GAPVD1: variants seen among roughly 807,000 people sequenced by gnomAD.
GAPVD1 encodes GTPase activating protein and VPS9 domains 1.
In GAPVD1, 35 loss-of-function variants were observed where a neutral mutation model predicts 155.5. That is an observed-to-expected ratio of 0.23 (90% CI 0.17 to 0.30). The LOEUF is 0.30. GAPVD1 is among the 10% of genes least tolerant of loss of function. GAPVD1 has a pLI of 1.00. For synonymous variants in GAPVD1, 636 were observed against 619.7 expected, an observed-to-expected ratio of 1.03 and a Z score of -0.39; for missense variants, 1,429 against 1,775.7, an observed-to-expected ratio of 0.80 and a Z score of 3.51.
chr9:125,306,866 A>G (rs959336796), intron 6 of GAPVD1, among the ~76,000 whole-genome samples: 1 of 152,162 alleles, frequency 6.6e-6, no homozygotes, highest in East Asian at 1.9e-4. Flanking sequence ...CATGCTGGTA[A>G]TCCTAGTGCT....
chr9:125,362,767 G>A lies in GAPVD1; in HGVS notation c.*21G>A. ...AGTGACCAAGACCAAGGCCCACCAA[G>A]GCAGCAGACTGTTAATCAGACAAAC... On this transcript the variant is annotated 3_prime_UTR_variant, in exon 28 of 28. Coordinates refer to ENST00000297933, the MANE Select transcript of GAPVD1 (RefSeq NM_001282680.3). The A allele has an allele frequency of 6.2e-7, 1 of 1,609,108 alleles. No individual in the cohort carries two copies. Among genetic ancestry groups the A allele is most frequent in the Non-Finnish European group, 8.5e-7 (1 of 1,177,448 alleles).
At chr9:125,347,731 A>C (rs1848696408) in intron 20 of GAPVD1, among the ~76,000 whole-genome samples, 2 of 152,084 alleles carry the variant, frequency 1.3e-5, no homozygotes, top group African/African-American at 4.8e-5. Context: ...AAAAAAAAAA[A>C]AACAAACATA....
At chr9:125,286,111 T>C (rs1239313192) in intron 2 of GAPVD1, among the ~76,000 whole-genome samples, 7 of 151,400 alleles carry the variant, frequency 4.6e-5, no homozygotes, top group Non-Finnish European at 1.0e-4. Context: ...CCTGGCCATA[T>C]ATATATTAAT....
chr9:125,299,218 A>G (rs1043991790), intron 4 of GAPVD1, 112 bp downstream of exon 4: 6 of 574,330 alleles, frequency 1.0e-5, no homozygotes, highest in Non-Finnish European at 1.8e-5. Flanking sequence ...TATTTAAGAT[A>G]ATTTACATCA....
At chr9:125,275,845 T>A (rs535253286) in intron 2 of GAPVD1, among the ~76,000 whole-genome samples, 59 of 152,240 alleles carry the variant, frequency 3.9e-4, no homozygotes, top group Non-Finnish European at 7.9e-4. Flanking sequence ...GGTTTTTGAA[T>A]TGGAATAGTC....
At chr9:125,275,682 GGAGGTT>G in intron 2 of GAPVD1, among the ~76,000 whole-genome samples, 1 of 152,270 alleles carries the variant, frequency 6.6e-6, no homozygotes, top group Non-Finnish European at 1.5e-5. Flanking sequence ...CTGAACCCGA[GGAGGTT>G]GAGGTTGCAG....
chr9:125,319,752 C>G (rs1844015290), intron 9 of GAPVD1, among the ~76,000 whole-genome samples: 16 of 151,994 alleles, frequency 1.1e-4, no homozygotes, highest in Admixed American at 1.0e-3. Context: ...CAGGCGTACA[C>G]CACCACACCT....
chr9:125,323,830 C>T lies in GAPVD1; in HGVS notation c.1765C>T (p.Leu589=), dbSNP rs1844751604. The part of the protein sequence containing the change: ...PSNRSNSVSS[L]DLEGESVSEL... ...AAATCGCTCCAATTCAGTGTCCTCC[C>T]TAGACCTAGAAGGAGAGTCTGTGTC... Residue 589 remains leucine (L), a synonymous_variant, in exon 11 of 28, where the codon CTA becomes TTA. Transcript: ENST00000297933. The T allele has an allele frequency of 6.2e-7, 1 of 1,613,028 alleles. No homozygotes were observed. The highest frequency in any genetic ancestry group is 8.5e-7 in the Non-Finnish European group (1 of 1,179,034).
chr9:125,302,692 G>A lies in GAPVD1; in HGVS notation c.895G>A (p.Val299Ile), dbSNP rs745967169. 2 of 1,612,662 alleles carry A rather than the reference G, an allele frequency of 1.2e-6. No homozygotes were observed. Among genetic ancestry groups the A allele is most frequent in the South Asian group, 1.1e-5 (1 of 91,010 alleles). Reference protein sequence around the residue: ...KTLSCVDRLEVGEVRAMCTDL... With the variant: ...KTLSCVDRLEIGEVRAMCTDL... ...CCTCTCCTGTGTAGATAGGCTGGAA[G>A]TTGGGGAGGTCAGGGCAATGTGTAC... The change falls in exon 5 of 28, where the codon GTT becomes ATT. Residue 299 changes from valine to isoleucine, a missense_variant. Val to Ile is a conservative substitution (Grantham distance 29). Around this residue, in one of 4 missense-constraint regions of GAPVD1, gnomAD observed 628 missense variants for 733.4 expected, o/e 0.86. Coordinates refer to ENST00000297933, the MANE Select transcript of GAPVD1 (RefSeq NM_001282680.3).
intron 4 of GAPVD1, among the ~76,000 whole-genome samples, chr9:125,301,673 C>T (rs1840899420): frequency 6.6e-6 from 1 of 152,030 alleles, no homozygotes; most frequent in Non-Finnish European, 1.5e-5. Flanking sequence ...TGGTCTCGAC[C>T]TCCTGGCCTC....
chr9:125,314,517 G>C (rs2131309850), intron 9 of GAPVD1, among the ~76,000 whole-genome samples: 1 of 152,042 alleles, frequency 6.6e-6, no homozygotes, highest in Middle Eastern at 3.4e-3. Context: ...AGCTGGGTGT[G>C]GTGGCGCATG....
At chr9:125,337,650 C>T (rs1268292571) in intron 17 of GAPVD1, 59 bp downstream of exon 17, 1 of 1,408,214 alleles carries the variant, frequency 7.1e-7, no homozygotes, top group Non-Finnish European at 9.7e-7. Context: ...CTCTTGATAT[C>T]TGAAATTAAC....
chr9:125,279,798 A>G (rs1454456376), intron 2 of GAPVD1, among the ~76,000 whole-genome samples: 1 of 147,746 alleles, frequency 6.8e-6, no homozygotes, highest in Admixed American at 6.8e-5. Context: ...TCTTGGTGCG[A>G]TGTTCAGGCT....
Position 125,299,428 on chromosome 9 carries a change from C to T in GAPVD1, c.185+322C>T, listed in dbSNP as rs112186732. On this transcript the variant is annotated intron_variant, in intron 4 of 27. Coordinates refer to ENST00000297933, the MANE Select transcript of GAPVD1 (RefSeq NM_001282680.3). ...ATCCCAGCACTTTGGGAGGCCAAGG[C>T]GGGTGGATCATGAGGGCAGGAGTTT... 7.6e-4 allele frequency among the ~76,000 whole-genome samples: 116 copies of T among 151,772 alleles called. 1 individual carries two copies. The highest frequency in any genetic ancestry group is 3.1e-3 in the South Asian group (15 of 4,792).
intron 10 of GAPVD1, among the ~76,000 whole-genome samples, chr9:125,322,285 C>G (rs557606069): frequency 2.0e-5 from 3 of 151,992 alleles, no homozygotes; most frequent in African/African-American, 7.2e-5. Context: ...AGGATGGTCT[C>G]GATCTCCTGA....
At chr9:125,303,244 C>A (rs1794963483) in intron 5 of GAPVD1, among the ~76,000 whole-genome samples, 1 of 151,892 alleles carries the variant, frequency 6.6e-6, no homozygotes, top group Admixed American at 6.6e-5. Flanking sequence ...GTCTTAAACT[C>A]CTGACCTCAG....
chr9:125,300,050 T>A (rs1459070333), intron 4 of GAPVD1, among the ~76,000 whole-genome samples: 2,905 of 5,152 alleles, frequency 0.56, 986 homozygotes, highest in Non-Finnish European at 0.63. Flanking sequence ...TATATATATA[T>A]ATATATATAT....
At chr9:125,265,118 G>C (rs1833641684) in intron 1 of GAPVD1, among the ~76,000 whole-genome samples, 1 of 152,170 alleles carries the variant, frequency 6.6e-6, no homozygotes, top group African/African-American at 2.4e-5. Flanking sequence ...CTTAGTACAT[G>C]CTGCCATATA....
intron 9 of GAPVD1, among the ~76,000 whole-genome samples, chr9:125,314,707 A>G (rs1843140588): frequency 6.6e-6 from 1 of 152,156 alleles, no homozygotes; most frequent in Admixed American, 6.6e-5. Flanking sequence ...AAAGACAAGA[A>G]GAAGAAATCT....
Sources: gnomAD v4.1 joint callset for allele counts (sites outside exome capture counted in the v4.1 genomes callset) on GRCh38, gnomAD v4.1.1 for gene constraint, gnomAD v4.1.1 regional missense constraint, MANE v1.5 for transcripts, NCBI Gene and HGNC (gene_info 2026-07-23, HGNC 2026-07-21) for gene names.